Variants in CFLAR observed in about 807,000 individuals in gnomAD.
CFLAR encodes the protein CASP8 and FADD like apoptosis regulator, also known as CASP8 and FADD-like apoptosis regulator.
CFLAR carries 14 observed loss-of-function variants against 51.1 expected under a neutral mutation model. The observed-to-expected ratio is 0.27, with a 90% CI of 0.18 to 0.43. The LOEUF (loss-of-function observed/expected upper bound fraction) is 0.43. Ranked by LOEUF, CFLAR falls within the 20% of genes least tolerant of loss-of-function variation. The probability of loss-of-function intolerance (pLI) is 1.00; values close to 1 mark genes in which losing one functional copy is unlikely to be tolerated. For synonymous variants in CFLAR, 210 were observed against 211.6 expected, an observed-to-expected ratio of 0.99 and a Z score of 0.06; for missense variants, 390 against 566.5, an observed-to-expected ratio of 0.69 and a Z score of 3.16.
chr2:201,137,283 G>A, intron 4 of CFLAR: 1 of 239,238 alleles, frequency 4.2e-6, no homozygotes, highest in Admixed American at 5.0e-5. Flanking sequence ...CCAGCTGCCT[G>A]GGTTCAGGGG....
At chr2:201,133,210 G>GGGA (rs1287129453) in intron 3 of CFLAR, 76 bp downstream of exon 3, 6 of 1,103,168 alleles carry the variant, frequency 5.4e-6, no homozygotes, top group Non-Finnish European at 4.1e-6. Context: ...TACAGAGAGA[G>GGGA]GGAAGCAGGC....
chr2:201,140,214 T>G, intron 4 of CFLAR, 143 bp from the exon 5 acceptor site: 1 of 980,378 alleles, frequency 1.0e-6, no homozygotes. Context: ...AAGAGTCATC[T>G]GAAATTTTGA....
intron 8 of CFLAR, chr2:201,151,306 T>G (rs1941242144): frequency 2.0e-5 from 3 of 152,198 alleles, no homozygotes; most frequent in African/African-American, 7.2e-5. Flanking sequence ...GGAATGACAT[T>G]CTGTTTAATT....
chr2:201,164,459 G>A lies in CFLAR; in HGVS notation c.*486G>A, dbSNP rs1293757836. 6.6e-6 allele frequency: 1 copy of A among 152,304 alleles called. No homozygotes were observed. Among genetic ancestry groups the A allele is most frequent in the Non-Finnish European group, 1.5e-5 (1 of 68,126 alleles). The allele number at this position is 152,304 out of a possible 1,614,324, so 9.4% of individuals were successfully genotyped here. A position where few individuals can be genotyped will look rare whatever the true frequency, so the allele number is the denominator to read the frequency against. On this transcript the variant is annotated 3_prime_UTR_variant, in exon 10 of 10. Coordinates refer to ENST00000309955, the MANE Select transcript of CFLAR (RefSeq NM_003879.7). The stretch of plus-strand genomic sequence containing the variant: ...TCTGCAAGCAAGGAAGCCAATTCAA[G>A]TCCCAAAGCTGAAGAACTTGGAGTC...
At chr2:201,162,273 T>A (rs1943128740) in intron 9 of CFLAR, among the ~76,000 whole-genome samples, 1 of 151,734 alleles carries the variant, frequency 6.6e-6, no homozygotes, top group Non-Finnish European at 1.5e-5. Context: ...TTTGCTAATT[T>A]TTGTATTTTT....
chr2:201,140,036 G>C (rs2125762187), intron 4 of CFLAR: 1 of 307,112 alleles, frequency 3.3e-6, no homozygotes, highest in Middle Eastern at 1.1e-3. Context: ...ATGCTGCCGC[G>C]AGACCCCGCG....
rs139110010 is a variant in CFLAR at position 201,137,491 on chromosome 2, A to G, written c.523+1384A>G. 1.5e-3 allele frequency: 885 copies of G among 587,656 alleles called. 8 individuals carry two copies. The highest frequency in any genetic ancestry group is 0.011 in the African/African-American group (620 of 54,550). 36.4% of individuals were successfully genotyped at this position (587,656 alleles called of 1,614,324 possible). On this transcript the variant is annotated intron_variant, in intron 4 of 9. Coordinates refer to ENST00000309955, the MANE Select transcript of CFLAR (RefSeq NM_003879.7). ...GTGGACACTGGGGTGCACTCCCTCC[A>G]CCATCTCGCCCTGCACCGCTGTCCT...
rs11899401 is a variant in CFLAR, at chr2:201,121,773, A to G, written c.-138+5292A>G. 3.7e-3 allele frequency among the ~76,000 whole-genome samples: 560 copies of G among 152,352 alleles called. 3 individuals carry two copies. Among genetic ancestry groups the G allele is most frequent in the African/African-American group, 0.012 (510 of 41,588 alleles). On this transcript the variant is annotated intron_variant, in intron 1 of 9. Coordinates refer to ENST00000309955, the MANE Select transcript of CFLAR (RefSeq NM_003879.7). ...CCAAGTTGAAATTTAATTTAAGCCA[A>G]TCTTGTCTAGATGAACTTAAGAGAA... is the stretch of plus-strand genomic sequence containing the variant.
At chr2:201,144,886 CTT>C (rs1444686765) in intron 5 of CFLAR, among the ~76,000 whole-genome samples, 2 of 151,340 alleles carry the variant, frequency 1.3e-5, no homozygotes, top group African/African-American at 4.8e-5. Flanking sequence ...ACTTTTCACT[CTT>C]GTCGCCCAGG....
intron 1 of CFLAR, among the ~76,000 whole-genome samples, chr2:201,126,385 T>C (rs746463625): frequency 6.6e-6 from 1 of 152,268 alleles, no homozygotes; most frequent in Admixed American, 6.5e-5. Flanking sequence ...GGCCACAGTA[T>C]CTTATCAGTT....
intron 2 of CFLAR, among the ~76,000 whole-genome samples, chr2:201,130,353 C>CTTTTTTTTTT (rs771361555): frequency 1.7e-4 from 16 of 92,280 alleles, no homozygotes; most frequent in South Asian, 3.6e-4. Flanking sequence ...TTCTTTCTTT[C>CTTTTTTTTTT]TTTTTTTTTT....
intron 1 of CFLAR, among the ~76,000 whole-genome samples, chr2:201,127,562 T>G (rs1443793121): frequency 6.6e-6 from 1 of 152,160 alleles, no homozygotes; most frequent in Non-Finnish European, 1.5e-5. Context: ...GGCTTGGGCT[T>G]AAACCCCAAC....
chr2:201,138,270 G>GCTCACCCA lies in CFLAR; in HGVS notation c.524-2087_524-2086insCTCACCCA. On this transcript the variant is annotated intron_variant, in intron 4 of 9. Coordinates refer to ENST00000309955, the MANE Select transcript of CFLAR (RefSeq NM_003879.7). The surrounding 1 kb of genome is among the most constrained non-coding windows in gnomAD (Gnocchi z 4.0). ...AAGCCTATGACATTGACGCCTACCT[G>GCTCACCCA]GGTGAGCAGGTCCAGGTGGTATTTG... The GCTCACCCA allele has an allele frequency of 1.2e-6, 1 of 802,854 alleles. No homozygotes were observed. Among genetic ancestry groups the GCTCACCCA allele is most frequent in the South Asian group, 1.3e-5 (1 of 75,070 alleles). 49.7% of individuals were successfully genotyped at this position (802,854 alleles called of 1,614,324 possible).
At chr2:201,162,995 G>T in intron 9 of CFLAR, 1 of 747,224 alleles carries the variant, frequency 1.3e-6, no homozygotes, top group Admixed American at 1.8e-5. Flanking sequence ...TTGTTTTCTA[G>T]GGGGACAATT....
chr2:201,147,895 A>G (rs1410861923), intron 6 of CFLAR: 1 of 152,108 alleles, frequency 6.6e-6, no homozygotes, highest in African/African-American at 2.4e-5. Flanking sequence ...TAATAATCAA[A>G]CCAAATATTT....
chr2:201,130,506 C>T (rs1389282246), intron 2 of CFLAR, among the ~76,000 whole-genome samples: 2 of 151,876 alleles, frequency 1.3e-5, no homozygotes, highest in East Asian at 1.9e-4. Flanking sequence ...GGACTACAGG[C>T]GTGCGCCACC....
At chr2:201,155,853 G>A (rs1051285667) in intron 8 of CFLAR, among the ~76,000 whole-genome samples, 15 of 151,938 alleles carry the variant, frequency 9.9e-5, no homozygotes, top group African/African-American at 2.7e-4. Flanking sequence ...TCAAACTTCT[G>A]GGCTGAAGCA....
chr2:201,138,473 C>CT lies in CFLAR; in HGVS notation c.524-1881dup. 1 of 1,015,532 alleles carries CT rather than the reference C, an allele frequency of 9.8e-7. No homozygotes were observed. Among genetic ancestry groups the CT allele is most frequent in the Non-Finnish European group, 1.6e-6 (1 of 643,560 alleles). The allele number at this position is 1,015,532 out of a possible 1,614,324, so 62.9% of individuals were successfully genotyped here. A position where few individuals can be genotyped will look rare whatever the true frequency, so the allele number is the denominator to read the frequency against. On this transcript the variant is annotated intron_variant, in intron 4 of 9. Transcript: ENST00000309955. The surrounding 1 kb of genome is among the most constrained non-coding windows in gnomAD (Gnocchi z 4.0). ...CTAAGCTGCAGGATCTCATTTGCCT[C>CT]TTTCAACCTCACACTGCTGGAGCCA...
At chr2:201,136,189 G>A in intron 4 of CFLAR, 82 bp downstream of exon 4, 1 of 1,611,280 alleles carries the variant, frequency 6.2e-7, no homozygotes, top group African/African-American at 1.3e-5. Context: ...ATATTCATTT[G>A]TTGGATAGGT....
Sources: gnomAD v4.1 joint callset for allele counts (sites outside exome capture counted in the v4.1 genomes callset) on GRCh38, gnomAD v4.1.1 for gene constraint, Gnocchi (gnomAD v3.1) non-coding constraint, MANE v1.5 for transcripts, NCBI Gene and HGNC (gene_info 2026-07-23, HGNC 2026-07-21) for gene names.